Variants in RASA3 observed in about 807,000 individuals in gnomAD.
The protein encoded by RASA3 is RAS p21 protein activator 3.
A neutral mutation model predicts 110.0 loss-of-function variants in RASA3; 73 were observed. The observed-to-expected ratio is 0.66, with a 90% CI of 0.55 to 0.81. The LOEUF is 0.81. Among genes scored for constraint, RASA3 ranks in the 30% least tolerant of loss-of-function variants. RASA3 has a pLI of 0.00. For missense variants in RASA3, 976 were observed against 1,113.2 expected (o/e 0.88, Z 1.75); for synonymous variants, 500 against 451.4 (o/e 1.11, Z -1.37).
At chr13:114,055,493 A>T (rs1244279207) in intron 2 of RASA3, among the ~76,000 whole-genome samples, 1 of 152,228 alleles carries the variant, frequency 6.6e-6, no homozygotes, top group African/African-American at 2.4e-5. Context: ...ATCAACCTCG[A>T]AGCCAAAAGG....
chr13:113,995,632 A>G (rs112584475), intron 21 of RASA3, among the ~76,000 whole-genome samples: 96,937 of 137,880 alleles, frequency 0.7, 33,647 homozygotes, highest in African/African-American at 0.84. Context: ...GGGGCCTGAC[A>G]GGGGGCCCAG....
intron 2 of RASA3, among the ~76,000 whole-genome samples, chr13:114,058,531 C>G (rs1490923977): frequency 6.6e-6 from 1 of 152,264 alleles, no homozygotes; most frequent in Non-Finnish European, 1.5e-5. Context: ...AGAGCCAAAA[C>G]ACGGTGTCCA....
At position 114,073,852 on chromosome 13, in the gene RASA3, C is replaced by T. The variant is rs140932593; in HGVS notation, c.56-15G>A. 499 of 1,580,188 alleles carry T rather than the reference C, an allele frequency of 3.2e-4. 1 individual carries two copies. Among genetic ancestry groups the T allele is most frequent in the East Asian group, 7.8e-4 (35 of 44,716 alleles). On this transcript the variant is annotated splice_polypyrimidine_tract_variant and intron_variant, in intron 1 of 23. Coordinates refer to ENST00000334062, the MANE Select transcript of RASA3 (RefSeq NM_007368.4). ...TTTGGCTTCACCTAAAAAGTAAAAG[C>T]GACATACATCATCAGCAGCGTAGAA... is the stretch of plus-strand genomic sequence containing the variant.
chr13:114,074,241 TC>T (rs2139673545), intron 1 of RASA3, among the ~76,000 whole-genome samples: 1 of 152,240 alleles, frequency 6.6e-6, no homozygotes, highest in African/African-American at 2.4e-5. Context: ...ACTCTCGTCT[TC>T]CCAAACGGAG....
intron 4 of RASA3, among the ~76,000 whole-genome samples, chr13:114,031,343 G>A (rs2054164223): frequency 6.6e-6 from 1 of 151,924 alleles, no homozygotes; most frequent in Non-Finnish European, 1.5e-5. Context: ...GTTTGGCTGT[G>A]TGTGTCCTTC....
chr13:114,015,294 G>A lies in RASA3; in HGVS notation c.1320C>T (p.Ala440=), dbSNP rs1232041727. 3 of 1,613,100 alleles carry A rather than the reference G, an allele frequency of 1.9e-6. No individual in the cohort carries two copies. The highest frequency in any genetic ancestry group is 2.5e-6 in the Non-Finnish European group (3 of 1,179,986). ...GGCAGCTCACCCCAGACTCAGTGAT[G>A]GCGTGGAAGACGCGGTCCACATACT... ...LRQYVDRVFH[A]ITESGVSCPT... is the part of the protein sequence containing the mutation. The change falls in exon 14 of 24, where the codon GCC becomes GCT. Residue 440 remains alanine, a synonymous_variant. Transcript: ENST00000334062.
rs992241607 is a variant in RASA3 at position 114,096,617 on chromosome 13, G to A, written c.56-22780C>T. Among the ~76,000 whole-genome samples the A allele has an allele frequency of 1.3e-5, 2 of 152,112 alleles. No individual in the cohort carries two copies. The highest frequency in any genetic ancestry group is 4.8e-5 in the African/African-American group (2 of 41,402). On this transcript the variant is annotated intron_variant, in intron 1 of 23. Transcript: ENST00000334062. The surrounding 1 kb of genome is among the most constrained non-coding windows in gnomAD (Gnocchi z 5.1). ...CTATGGGAACAACTGCTCCTTTCCA[G>A]CCAAATGACCCATTTCCCAAACGCC... is the stretch of plus-strand genomic sequence containing the variant.
chr13:114,119,520 C>A (rs1418492531), intron 1 of RASA3, among the ~76,000 whole-genome samples: 1 of 119,706 alleles, frequency 8.4e-6, no homozygotes, highest in Non-Finnish European at 1.9e-5. Flanking sequence ...GATCAGTGCC[C>A]CCCTCCCCTC....
chr13:114,055,889 TA>T (rs1453452716), intron 2 of RASA3, among the ~76,000 whole-genome samples: 1 of 152,212 alleles, frequency 6.6e-6, no homozygotes, highest in African/African-American at 2.4e-5. Flanking sequence ...GGCAAATGCG[TA>T]ACCAAAAGGC....
At chr13:114,023,029 C>T (rs901488219) in intron 8 of RASA3, among the ~76,000 whole-genome samples, 2 of 152,250 alleles carry the variant, frequency 1.3e-5, no homozygotes, top group African/African-American at 4.8e-5. Context: ...CCGATAACAT[C>T]AGGGACATTC....
chr13:114,030,458 ACACAGAGGGCAAGG>A (rs1566501710), intron 4 of RASA3, among the ~76,000 whole-genome samples: 28 of 114,510 alleles, frequency 2.4e-4, no homozygotes, highest in African/African-American at 8.0e-4. Context: ...GGCAAGGCTC[ACACAGAGGGCAAGG>A]CTCACACAGA....
intron 21 of RASA3, 111 bp downstream of exon 21, chr13:113,996,420 T>G: frequency 8.9e-7 from 1 of 1,129,272 alleles, no homozygotes; most frequent in Non-Finnish European, 1.2e-6. Flanking sequence ...GCAGCCCTGT[T>G]TATGTGCAGC....
chr13:114,023,278 C>T (rs1033253520), intron 8 of RASA3, among the ~76,000 whole-genome samples: 12 of 143,610 alleles, frequency 8.4e-5, no homozygotes, highest in African/African-American at 1.5e-4. Context: ...ATCCCAGGCT[C>T]GGGGAACATC....
intron 22 of RASA3, 102 bp downstream of exon 22, chr13:113,992,383 A>G: frequency 1.1e-6 from 1 of 877,306 alleles, no homozygotes; most frequent in Middle Eastern, 2.5e-4. Context: ...ACACTACACC[A>G]GAGGCTCAGA....
At chr13:114,087,504 A>C (rs2079836512) in intron 1 of RASA3, among the ~76,000 whole-genome samples, 1 of 152,250 alleles carries the variant, frequency 6.6e-6, no homozygotes, top group South Asian at 2.1e-4. Context: ...TGAAATGAGC[A>C]AGTTTCCAGA....
intron 1 of RASA3, among the ~76,000 whole-genome samples, chr13:114,118,584 T>C (rs1289814915): frequency 6.6e-6 from 1 of 152,224 alleles, no homozygotes; most frequent in Admixed American, 6.5e-5. Flanking sequence ...ATTAGATGCA[T>C]AGAAATGTCC....
Position 114,114,171 on chromosome 13 carries a change from C to T in RASA3, c.55+18264G>A, listed in dbSNP as rs1042177671. Among the ~76,000 whole-genome samples the T allele has an allele frequency of 7.9e-5, 12 of 152,238 alleles. No individual in the cohort carries two copies. Among genetic ancestry groups the T allele is most frequent in the African/African-American group, 2.2e-4 (9 of 41,464 alleles). ...CCATGTCCATCAATCCACCCCACCA[C>T]GGTGAGCGTCTGCGATGTCCGTGCA... On this transcript the variant is annotated intron_variant, in intron 1 of 23. Coordinates refer to ENST00000334062, the MANE Select transcript of RASA3 (RefSeq NM_007368.4). This position sits in a 1 kb window ranked among gnomAD's most constrained non-coding sequence, Gnocchi z 4.8.
At position 113,994,654 on chromosome 13, in the gene RASA3, T is replaced by G. The variant is rs9525366; in HGVS notation, c.2141+1877A>C. 7.5e-3 allele frequency among the ~76,000 whole-genome samples: 1,147 copies of G among 152,146 alleles called. 11 individuals carry two copies. Among genetic ancestry groups the G allele is most frequent in the Non-Finnish European group, 9.8e-3 (667 of 68,002 alleles). On this transcript the variant is annotated intron_variant, in intron 21 of 23. Coordinates refer to ENST00000334062, the MANE Select transcript of RASA3 (RefSeq NM_007368.4). ...CTCACAGTGAGACCTGGCAACATAG[T>G]GAGACCCCGTCTCTACAAAAAACCA... is the stretch of plus-strand genomic sequence containing the variant.
chr13:114,125,330 C>T (rs776579835), intron 1 of RASA3, among the ~76,000 whole-genome samples: 57 of 152,076 alleles, frequency 3.7e-4, no homozygotes, highest in Admixed American at 1.5e-3. Context: ...TGCTGCAAGC[C>T]GTACAGGAAG....
Sources: allele counts gnomAD v4.1 joint callset (sites outside exome capture counted in the v4.1 genomes callset), GRCh38; gene constraint gnomAD v4.1.1; non-coding constraint Gnocchi (gnomAD v3.1); transcripts MANE v1.5; gene names NCBI Gene and HGNC (gene_info 2026-07-23, HGNC 2026-07-21).